The following MBNL2 variants were observed in gnomAD, a reference collection of about 807,000 sequenced individuals.
MBNL2 encodes muscleblind-like protein 2.
MBNL2 carries 17 observed loss-of-function variants against 41.9 expected under a neutral mutation model. That is an observed-to-expected ratio of 0.41 (90% CI 0.28 to 0.61). MBNL2 has a LOEUF of 0.61. Ranked by LOEUF, MBNL2 falls within the 20% of genes least tolerant of loss-of-function variation. The probability of loss-of-function intolerance (pLI) is 0.35; values close to 1 mark genes in which losing one functional copy is unlikely to be tolerated. For missense variants in MBNL2, 336 were observed against 505.6 expected, an observed-to-expected ratio of 0.66 and a Z score of 3.22; for synonymous variants, 195 against 182.9, an observed-to-expected ratio of 1.07 and a Z score of -0.53.
the MBNL2 span, among the ~76,000 whole-genome samples, chr13:97,146,835 T>C: frequency 6.6e-6 from 1 of 152,176 alleles, no homozygotes; most frequent in Admixed American, 6.5e-5. Context: ...CCCTGCAGGC[T>C]ACTTCTGGCT....
chr13:97,353,605 T>A (rs907547377), intron 5 of MBNL2, among the ~76,000 whole-genome samples: 5 of 152,326 alleles, frequency 3.3e-5, no homozygotes, highest in African/African-American at 9.6e-5. Context: ...ATAAAAGACA[T>A]TTATTTCCTT....
chr13:97,358,913 T>C (rs1320687508), intron 7 of MBNL2, among the ~76,000 whole-genome samples: 3 of 152,252 alleles, frequency 2.0e-5, no homozygotes, highest in Non-Finnish European at 4.4e-5. Flanking sequence ...GTATAAAATC[T>C]ACACTTTGAA....
chr13:97,191,725 A>G, the MBNL2 span, among the ~76,000 whole-genome samples: 1 of 152,200 alleles, frequency 6.6e-6, no homozygotes, highest in African/African-American at 2.4e-5. Context: ...TGGTAGCTCA[A>G]AATGTTGCAA....
rs200252224 is a variant in MBNL2 at position 97,323,778 on chromosome 13, TA to T, written c.175-10488del. ...AATTCTCTAAATGGCTAGCTCTAAT[TA>T]AAAAAAAAATTTTGTGGGTACATAG... On this transcript the variant is annotated intron_variant, in intron 2 of 8. Transcript: ENST00000679496. 4.0e-4 allele frequency among the ~76,000 whole-genome samples: 60 copies of T among 150,714 alleles called. No homozygotes were observed. In the South Asian group the frequency reaches 4.8e-3, roughly 12 times the overall value.
At chr13:97,264,075 A>G (rs2049225131) in intron 1 of MBNL2, among the ~76,000 whole-genome samples, 1 of 150,214 alleles carries the variant, frequency 6.7e-6, no homozygotes, top group African/African-American at 2.5e-5. Flanking sequence ...CACTGATGCA[A>G]TCTCGACTCA....
At chr13:97,228,956 A>G (rs2042029933) in intron 1 of MBNL2, among the ~76,000 whole-genome samples, 1 of 151,794 alleles carries the variant, frequency 6.6e-6, no homozygotes, top group Admixed American at 6.6e-5. Flanking sequence ...GTAGTCCTCA[A>G]ACCTCTGGGA....
rs376380451 is a variant in MBNL2, at chr13:97,346,870, G to A, written c.607G>A (p.Ala203Thr). Residue 203 changes from alanine (A) to threonine (T), a missense_variant, in exon 5 of 9, where the codon GCA (alanine) becomes ACA (threonine). Transcript: ENST00000679496. The surrounding 1 kb of genome is among the most constrained non-coding windows in gnomAD (Gnocchi z 4.2). The stretch of plus-strand genomic sequence containing the variant: ...GACCGACTGCCGCTTTGCACACCCC[G>A]CAGACAGCACCATGATCGACACAAG... Reference protein sequence around the residue: ...GETDCRFAHPADSTMIDTSDN... With the variant: ...GETDCRFAHPTDSTMIDTSDN... The A allele has an allele frequency of 6.0e-5, 97 of 1,613,656 alleles. 1 individual carries two copies. Among genetic ancestry groups the A allele is most frequent in the Admixed American group, 1.7e-4 (10 of 60,000 alleles).
chr13:97,382,196 T>C (rs1298740819), intron 8 of MBNL2, among the ~76,000 whole-genome samples: 1 of 152,264 alleles, frequency 6.6e-6, no homozygotes, highest in Non-Finnish European at 1.5e-5. Flanking sequence ...CAAAATTACC[T>C]TTGTCATTTG....
chr13:97,201,658 ATCT>A, the MBNL2 span, among the ~76,000 whole-genome samples: 1 of 152,210 alleles, frequency 6.6e-6, no homozygotes, highest in Non-Finnish European at 1.5e-5. Flanking sequence ...TGAAATTATA[ATCT>A]TCAGAAGGTT....
At chr13:97,153,234 G>A in the MBNL2 span, among the ~76,000 whole-genome samples, 1 of 152,128 alleles carries the variant, frequency 6.6e-6, no homozygotes. Context: ...GTAAAACACT[G>A]TCTCTCAATC....
chr13:97,275,572 G>A (rs183074775), intron 1 of MBNL2, 60 bp from the exon 2 acceptor site: 62 of 152,298 alleles, frequency 4.1e-4, no homozygotes, highest in African/African-American at 1.5e-3. Flanking sequence ...TCAATAGTTC[G>A]TTGAAGTGGT....
At chr13:97,312,400 A>T (rs2058692387) in intron 2 of MBNL2, among the ~76,000 whole-genome samples, 1 of 152,064 alleles carries the variant, frequency 6.6e-6, no homozygotes, top group Admixed American at 6.6e-5. Context: ...ATGTTTTTGC[A>T]CTTGTTTCTC....
chr13:97,309,266 T>C (rs2058375903), intron 2 of MBNL2, among the ~76,000 whole-genome samples: 1 of 152,124 alleles, frequency 6.6e-6, no homozygotes, highest in African/African-American at 2.4e-5. Context: ...ACCTTTGCAT[T>C]CAAGGGCAGT....
intron 2 of MBNL2, among the ~76,000 whole-genome samples, chr13:97,298,152 A>G (rs529186410): frequency 1.9e-3 from 291 of 152,156 alleles, no homozygotes; most frequent in African/African-American, 6.4e-3. Flanking sequence ...CATTGTGCAC[A>G]TGTACCCTAA....
At chr13:97,156,789 G>A in the MBNL2 span, among the ~76,000 whole-genome samples, 1 of 152,190 alleles carries the variant, frequency 6.6e-6, no homozygotes, top group East Asian at 1.9e-4. Context: ...TGCTGTTTTG[G>A]TTACTGTAGC....
the MBNL2 span, among the ~76,000 whole-genome samples, chr13:97,215,955 T>C: frequency 3.3e-5 from 5 of 152,346 alleles, 1 homozygote; most frequent in African/African-American, 1.2e-4. Flanking sequence ...CATTGAGCAC[T>C]GCTATGTACC....
At position 97,366,313 on chromosome 13, in the gene MBNL2, C is replaced by A; in HGVS notation, c.1048+1142C>A. 1 of 571,052 alleles carries A rather than the reference C, an allele frequency of 1.8e-6. No homozygotes were observed. The highest frequency in any genetic ancestry group is 3.1e-5 in the South Asian group (1 of 32,520). 35.4% of individuals were successfully genotyped at this position (571,052 alleles called of 1,614,324 possible). A position where few individuals can be genotyped will look rare whatever the true frequency, so the allele number is the denominator to read the frequency against. ...CTTTTTTATTTCTCTCCCATGCTTC[C>A]TTGCTTTGCATTGTGATTGCATGCC... On this transcript the variant is annotated intron_variant, in intron 8 of 8. Coordinates refer to ENST00000679496, the MANE Select transcript of MBNL2 (RefSeq NM_001382683.1). The surrounding 1 kb of genome is among the most constrained non-coding windows in gnomAD (Gnocchi z 4.7).
chr13:97,225,254 A>G (rs1415544067), intron 1 of MBNL2, among the ~76,000 whole-genome samples: 5 of 152,238 alleles, frequency 3.3e-5, no homozygotes, highest in Non-Finnish European at 7.3e-5. Flanking sequence ...TGAGCTTAAG[A>G]GAATTCCTTA....
At chr13:97,223,551 A>C (rs2041126437) in intron 1 of MBNL2, among the ~76,000 whole-genome samples, 1 of 152,232 alleles carries the variant, frequency 6.6e-6, no homozygotes, top group Non-Finnish European at 1.5e-5. Flanking sequence ...AGCGAAGAAA[A>C]AAATCTGACT....
Sources: gnomAD v4.1 joint callset for allele counts (sites outside exome capture counted in the v4.1 genomes callset) on GRCh38, gnomAD v4.1.1 for gene constraint, Gnocchi (gnomAD v3.1) non-coding constraint, MANE v1.5 for transcripts, NCBI Gene and HGNC (gene_info 2026-07-23, HGNC 2026-07-21) for gene names.